Variants in SAMD12 observed in about 807,000 individuals in gnomAD.
The protein encoded by SAMD12 is sterile alpha motif domain containing 12, also known as sterile alpha motif domain-containing protein 12.
In SAMD12, 9 loss-of-function variants were observed where a neutral mutation model predicts 15.0. That is an observed-to-expected ratio of 0.60 (90% CI 0.36 to 1.05). The LOEUF (loss-of-function observed/expected upper bound fraction) is 1.05, where lower values mean the gene tolerates loss of function less well. Ranked by LOEUF, SAMD12 falls within the 50% of genes least tolerant of loss-of-function variation. The pLI is 0.01. For missense variants in SAMD12, 230 were observed against 234.2 expected, an observed-to-expected ratio of 0.98 and a Z score of 0.12; for synonymous variants, 86 against 90.1, an observed-to-expected ratio of 0.96 and a Z score of 0.25.
At chr8:118,468,176 C>T (rs1823650989) in intron 2 of SAMD12, among the ~76,000 whole-genome samples, 1 of 152,130 alleles carries the variant, frequency 6.6e-6, no homozygotes, top group African/African-American at 2.4e-5. Flanking sequence ...CATCCCAGGC[C>T]CACTCCTAAC....
At chr8:118,375,552 T>C (rs1819343085), downstream of SAMD12, 1 of 152,210 alleles carries the variant, frequency 6.6e-6, no homozygotes, top group African/African-American at 2.4e-5. Context: ...ATTCTGCATT[T>C]ACTATCATAC....
chr8:118,221,483 ATC>A (rs1173638826), intron 4 of SAMD12, among the ~76,000 whole-genome samples: 1 of 152,110 alleles, frequency 6.6e-6, no homozygotes, highest in Non-Finnish European at 1.5e-5. Context: ...GAAAGAACAG[ATC>A]TGTTTCTGGA....
intron 2 of SAMD12, among the ~76,000 whole-genome samples, chr8:118,489,318 T>C (rs571103605): frequency 6.6e-6 from 1 of 152,304 alleles, no homozygotes; most frequent in African/African-American, 2.4e-5. Context: ...CATGTCTTGA[T>C]GATCAGAGGC....
intron 3 of SAMD12, among the ~76,000 whole-genome samples, chr8:118,405,351 T>C (rs541798836): frequency 8.5e-5 from 13 of 152,090 alleles, no homozygotes; most frequent in African/African-American, 3.1e-4. Context: ...AATTACACAA[T>C]GGAATGTTTC....
chr8:118,238,552 T>C (rs111705411), intron 4 of SAMD12, among the ~76,000 whole-genome samples: 124 of 152,224 alleles, frequency 8.1e-4, no homozygotes, highest in African/African-American at 2.8e-3. Flanking sequence ...TCAAAGGCTA[T>C]CTCCTTGTGC....
At chr8:118,620,410 A>C (rs979025245) in intron 1 of SAMD12, among the ~76,000 whole-genome samples, 1 of 150,448 alleles carries the variant, frequency 6.6e-6, no homozygotes, top group Non-Finnish European at 1.5e-5. Flanking sequence ...AAAAAAAAAA[A>C]AAAAAAAAAA....
chr8:118,535,477 T>A (rs762699238), intron 2 of SAMD12, among the ~76,000 whole-genome samples: 1 of 152,222 alleles, frequency 6.6e-6, no homozygotes, highest in African/African-American at 2.4e-5. Context: ...TTCAAAGGTG[T>A]CAGACAGGGA....
At chr8:118,406,602 T>C (rs1821141912) in intron 3 of SAMD12, among the ~76,000 whole-genome samples, 1 of 152,146 alleles carries the variant, frequency 6.6e-6, no homozygotes, top group Admixed American at 6.5e-5. Flanking sequence ...GACAACTCAG[T>C]AGTGTTAACT....
At chr8:118,211,629 AAG>A (rs1460259754) in intron 4 of SAMD12, among the ~76,000 whole-genome samples, 1 of 152,246 alleles carries the variant, frequency 6.6e-6, no homozygotes, top group Non-Finnish European at 1.5e-5. Context: ...CATTTCAGAG[AAG>A]TAATTCTGAA....
intron 4 of SAMD12, among the ~76,000 whole-genome samples, chr8:118,231,738 A>C (rs1489146122): frequency 1.3e-5 from 2 of 152,104 alleles, no homozygotes; most frequent in East Asian, 3.9e-4. Flanking sequence ...TGTCCACCAA[A>C]ATTTATGATC....
the SAMD12 span, among the ~76,000 whole-genome samples, chr8:118,144,027 C>T: frequency 6.0e-3 from 907 of 152,246 alleles, 4 homozygotes; most frequent in Non-Finnish European, 9.3e-3. Flanking sequence ...GAGAATCCTT[C>T]CTCCCCTCTT....
chr8:118,576,150 T>C lies in SAMD12; in HGVS notation c.192+4565A>G, dbSNP rs1014590660. Among the ~76,000 whole-genome samples the C allele has an allele frequency of 5.3e-5, 8 of 152,204 alleles. No individual in the cohort carries two copies. The East Asian group carries it at 1.5e-3, about 29-fold the overall frequency. On this transcript the variant is annotated intron_variant, in intron 2 of 3. Transcript: ENST00000314727. ...AGCAGCACTGTCTAATAGGACTTTC[T>C]GCCATAATGATCATGTTCTATGTCC...
chr8:118,336,383 G>C (rs6994852), intron 4 of SAMD12, among the ~76,000 whole-genome samples: 71,080 of 152,070 alleles, frequency 0.47, 18,356 homozygotes, highest in African/African-American at 0.71. Context: ...AGCTTCTTTT[G>C]AGTCTATGAT....
intron 2 of SAMD12, among the ~76,000 whole-genome samples, chr8:118,476,901 C>G (rs1329498398): frequency 6.6e-6 from 1 of 152,054 alleles, no homozygotes; most frequent in Non-Finnish European, 1.5e-5. Flanking sequence ...TGTCTCTTCC[C>G]AATTGTCAGC....
At chr8:118,238,711 T>C (rs1224782659) in intron 4 of SAMD12, among the ~76,000 whole-genome samples, 1 of 152,196 alleles carries the variant, frequency 6.6e-6, no homozygotes, top group East Asian at 1.9e-4. Flanking sequence ...GTTATTTCTT[T>C]ACAATAGCCT....
At chr8:118,493,404 T>C (rs759089358) in intron 2 of SAMD12, among the ~76,000 whole-genome samples, 1 of 152,186 alleles carries the variant, frequency 6.6e-6, no homozygotes, top group Non-Finnish European at 1.5e-5. Flanking sequence ...TCATTTCTCA[T>C]GATTCTGTTA....
intron 2 of SAMD12, among the ~76,000 whole-genome samples, chr8:118,489,888 T>C (rs537843045): frequency 2.6e-5 from 4 of 152,088 alleles, no homozygotes; most frequent in Non-Finnish European, 5.9e-5. Context: ...TACTAGGATA[T>C]TGAGATCCTG....
the SAMD12 span, among the ~76,000 whole-genome samples, chr8:118,164,229 T>C: frequency 6.6e-6 from 1 of 152,282 alleles, no homozygotes; most frequent in Middle Eastern, 3.4e-3. Context: ...CATATAATTA[T>C]TATTTGGAGT....
At chr8:118,134,046 T>A in the SAMD12 span, among the ~76,000 whole-genome samples, 1 of 152,230 alleles carries the variant, frequency 6.6e-6, no homozygotes, top group Non-Finnish European at 1.5e-5. Context: ...TCCCTTGGAA[T>A]ATAATTGGTT....
Sources: allele counts gnomAD v4.1 joint callset (sites outside exome capture counted in the v4.1 genomes callset), GRCh38; gene constraint gnomAD v4.1.1; transcripts MANE v1.5; gene names NCBI Gene and HGNC (gene_info 2026-07-23, HGNC 2026-07-21).